PDCD10: variants seen among roughly 807,000 people sequenced by gnomAD.
PDCD10 encodes programmed cell death protein 10.
PDCD10 carries 4 observed loss-of-function variants against 29.2 expected under a neutral mutation model. That is an observed-to-expected ratio of 0.14 (90% CI 0.07 to 0.31). PDCD10 has a LOEUF of 0.31. Ranked by LOEUF, PDCD10 falls within the 10% of genes least tolerant of loss-of-function variation. PDCD10 has a pLI of 1.00. For synonymous variants in PDCD10, 70 were observed against 82.2 expected, an observed-to-expected ratio of 0.85 and a Z score of 0.80; for missense variants, 183 against 257.9, an observed-to-expected ratio of 0.71 and a Z score of 1.99.
At chr3:167,707,279 A>C (rs917649611) in intron 3 of PDCD10, among the ~76,000 whole-genome samples, 1 of 152,218 alleles carries the variant, frequency 6.6e-6, no homozygotes, top group Admixed American at 6.5e-5. Flanking sequence ...TAATGATTTC[A>C]TGTAAATTTA....
At chr3:167,686,875 T>A (rs1438561330) in intron 8 of PDCD10, among the ~76,000 whole-genome samples, 3 of 152,216 alleles carry the variant, frequency 2.0e-5, no homozygotes, top group Non-Finnish European at 4.4e-5. Context: ...GATACTGAAA[T>A]TTGAATTTTG....
At chr3:167,707,462 A>G (rs1272622216) in intron 3 of PDCD10, among the ~76,000 whole-genome samples, 3 of 152,092 alleles carry the variant, frequency 2.0e-5, no homozygotes, top group South Asian at 2.1e-4. Flanking sequence ...GCGGATCACA[A>G]AGTCAGGAGA....
At chr3:167,706,315 T>TA (rs1364946512) in intron 3 of PDCD10, among the ~76,000 whole-genome samples, 6 of 152,204 alleles carry the variant, frequency 3.9e-5, no homozygotes, top group Non-Finnish European at 8.8e-5. Flanking sequence ...CACTTGGAGA[T>TA]ACACTGTAGT....
At chr3:167,695,461 T>A (rs1173679850) in intron 6 of PDCD10, 135 bp downstream of exon 6, 1 of 773,640 alleles carries the variant, frequency 1.3e-6, no homozygotes, top group Non-Finnish European at 2.2e-6. Flanking sequence ...GTTAATAAAA[T>A]GTGGTATTTA....
intron 8 of PDCD10, among the ~76,000 whole-genome samples, chr3:167,685,425 A>AG (rs1413653169): frequency 6.7e-6 from 1 of 149,594 alleles, no homozygotes; most frequent in African/African-American, 2.4e-5. Context: ...AAAAAAGAGA[A>AG]GGGCCAGGAA....
intron 8 of PDCD10, among the ~76,000 whole-genome samples, chr3:167,686,158 C>A (rs947623001): frequency 1.3e-5 from 2 of 152,152 alleles, no homozygotes; most frequent in African/African-American, 2.4e-5. Flanking sequence ...TCAAAAAATT[C>A]TCACATTTGA....
chr3:167,687,545 A>T (rs1719750557), intron 7 of PDCD10, 70 bp downstream of exon 7: 2 of 894,918 alleles, frequency 2.2e-6, no homozygotes, highest in Non-Finnish European at 3.8e-6. Context: ...TCTTATTTTT[A>T]AGTCAATAAA....
intron 8 of PDCD10, among the ~76,000 whole-genome samples, chr3:167,687,019 T>C (rs956265642): frequency 6.6e-6 from 1 of 152,162 alleles, no homozygotes; most frequent in African/African-American, 2.4e-5. Flanking sequence ...ACTACCTGGC[T>C]CTTTTCAGAA....
At chr3:167,705,917 G>T (rs1721923836) in intron 3 of PDCD10, among the ~76,000 whole-genome samples, 2 of 152,240 alleles carry the variant, frequency 1.3e-5, no homozygotes, top group South Asian at 4.1e-4. Flanking sequence ...TAGATCTCAA[G>T]TTCTTGTTAT....
At chr3:167,706,458 T>C (rs1024020556) in intron 3 of PDCD10, among the ~76,000 whole-genome samples, 1 of 152,246 alleles carries the variant, frequency 6.6e-6, no homozygotes, top group Admixed American at 6.5e-5. Flanking sequence ...CTAGGCTGTA[T>C]GATACAGCCT....
intron 2 of PDCD10, among the ~76,000 whole-genome samples, chr3:167,720,622 T>A (rs1050137802): frequency 6.6e-6 from 1 of 152,080 alleles, no homozygotes; most frequent in Non-Finnish European, 1.5e-5. Flanking sequence ...CACATACTTA[T>A]AATATTTATA....
chr3:167,691,232 T>C (rs1362362049), intron 6 of PDCD10, among the ~76,000 whole-genome samples: 1 of 152,222 alleles, frequency 6.6e-6, no homozygotes, highest in African/African-American at 2.4e-5. Flanking sequence ...AATTATACTT[T>C]AGCCTATCTA....
intron 3 of PDCD10, among the ~76,000 whole-genome samples, chr3:167,715,360 A>C (rs1380504259): frequency 2.0e-5 from 3 of 151,878 alleles, no homozygotes; most frequent in Non-Finnish European, 4.4e-5. Flanking sequence ...TGTGGGTAAA[A>C]ATTTCTTACA....
At chr3:167,719,936 G>A in intron 3 of PDCD10, 126 bp downstream of exon 3, 1 of 749,494 alleles carries the variant, frequency 1.3e-6, no homozygotes, top group Non-Finnish European at 2.4e-6. Flanking sequence ...CTGATACAAT[G>A]CCTAACGCAC....
chr3:167,707,482 T>A (rs1722094805), intron 3 of PDCD10, among the ~76,000 whole-genome samples: 2 of 151,776 alleles, frequency 1.3e-5, no homozygotes, highest in Admixed American at 6.6e-5. Flanking sequence ...ATCGAGACCA[T>A]CCTGGCTAAC....
chr3:167,691,360 C>T (rs2108388289), intron 6 of PDCD10, among the ~76,000 whole-genome samples: 1 of 152,322 alleles, frequency 6.6e-6, no homozygotes, highest in South Asian at 2.1e-4. Flanking sequence ...GCCACCATTA[C>T]TCTTAATTCA....
At chr3:167,723,384 T>A (rs1165496208) in intron 2 of PDCD10, among the ~76,000 whole-genome samples, 3 of 152,184 alleles carry the variant, frequency 2.0e-5, no homozygotes, top group African/African-American at 7.2e-5. Context: ...TCCCGGCAGC[T>A]GGGTAGCACA....
At chr3:167,692,904 C>T (rs1408847757) in intron 6 of PDCD10, among the ~76,000 whole-genome samples, 2 of 152,184 alleles carry the variant, frequency 1.3e-5, no homozygotes, top group Non-Finnish European at 2.9e-5. Context: ...GGCGACAGAG[C>T]AAGACTCCGT....
At chr3:167,698,228 A>G (rs960658468) in intron 4 of PDCD10, among the ~76,000 whole-genome samples, 3 of 152,226 alleles carry the variant, frequency 2.0e-5, no homozygotes, top group African/African-American at 7.2e-5. Flanking sequence ...CATTTATTCC[A>G]ATCTTCGGAT....
Sources: allele counts gnomAD v4.1 joint callset (sites outside exome capture counted in the v4.1 genomes callset), GRCh38; gene constraint gnomAD v4.1.1; transcripts MANE v1.5; gene names NCBI Gene and HGNC (gene_info 2026-07-23, HGNC 2026-07-21).